MTOR: variants seen among roughly 807,000 people sequenced by gnomAD.
The protein encoded by MTOR is serine/threonine-protein kinase mTOR.
A neutral mutation model predicts 319.8 loss-of-function variants in MTOR; 70 were observed. The observed-to-expected ratio is 0.22, with a 90% confidence interval of 0.18 to 0.27. The LOEUF (loss-of-function observed/expected upper bound fraction) is 0.27, where lower values mean the gene tolerates loss of function less well. Ranked by LOEUF, MTOR falls within the 10% of genes least tolerant of loss-of-function variation. MTOR has a pLI of 1.00. For missense variants in MTOR, 1,890 were observed against 3,274.4 expected, an observed-to-expected ratio of 0.58 and a Z score of 10.32; for synonymous variants, 1,183 against 1,211.4, an observed-to-expected ratio of 0.98 and a Z score of 0.49.
chr1:11,141,297 GA>G (rs1354291393), intron 34 of MTOR, among the ~76,000 whole-genome samples: 1 of 151,964 alleles, frequency 6.6e-6, no homozygotes, highest in African/African-American at 2.4e-5. Context: ...ATTTTTTGAA[GA>G]GATGGGGTTT....
At chr1:11,208,031 G>A (rs1179258718) in intron 25 of MTOR, among the ~76,000 whole-genome samples, 3 of 152,136 alleles carry the variant, frequency 2.0e-5, no homozygotes, top group African/African-American at 2.4e-5. Context: ...CTAAAGCAGG[G>A]TGGACGGCTG....
intron 4 of MTOR, 78 bp from the exon 5 acceptor site, chr1:11,256,270 T>G: frequency 4.6e-6 from 7 of 1,532,350 alleles, no homozygotes; most frequent in Non-Finnish European, 6.2e-6. Context: ...CTTGTCATCT[T>G]AGAGCCATAC....
intron 1 of MTOR, among the ~76,000 whole-genome samples, chr1:11,260,984 GT>G (rs1651044936): frequency 6.6e-6 from 1 of 151,458 alleles, no homozygotes; most frequent in Admixed American, 6.6e-5. Flanking sequence ...TAGAGATGGG[GT>G]TTTATTATGT....
At chr1:11,204,960 C>A (rs898431779) in intron 25 of MTOR, among the ~76,000 whole-genome samples, 6 of 152,156 alleles carry the variant, frequency 3.9e-5, no homozygotes, top group Non-Finnish European at 5.9e-5. Context: ...CACTACAGAA[C>A]CAGAATACAT....
intron 29 of MTOR, among the ~76,000 whole-genome samples, chr1:11,162,848 C>A (rs1644520426): frequency 6.6e-6 from 1 of 152,192 alleles, no homozygotes; most frequent in South Asian, 2.1e-4. Flanking sequence ...TTGTAAAGAC[C>A]ATCAATGCTA....
intron 54 of MTOR, among the ~76,000 whole-genome samples, chr1:11,110,365 G>A (rs767939215): frequency 1.3e-5 from 2 of 152,078 alleles, no homozygotes; most frequent in Non-Finnish European, 2.9e-5. Flanking sequence ...TGCTGTCCTT[G>A]TACATCACAG....
intron 6 of MTOR, among the ~76,000 whole-genome samples, chr1:11,251,392 T>C (rs905298595): frequency 3.3e-5 from 5 of 152,238 alleles, no homozygotes; most frequent in African/African-American, 1.2e-4. Flanking sequence ...TTTTAAAATG[T>C]AATCCTTAAT....
chr1:11,153,877 T>C (rs964149672), intron 30 of MTOR, among the ~76,000 whole-genome samples: 4 of 151,804 alleles, frequency 2.6e-5, no homozygotes, highest in Non-Finnish European at 2.9e-5. Context: ...AAGACCAGCC[T>C]GGCCAACATG....
chr1:11,242,672 G>A (rs561271942), intron 9 of MTOR, among the ~76,000 whole-genome samples: 3 of 152,202 alleles, frequency 2.0e-5, no homozygotes, highest in Admixed American at 2.0e-4. Flanking sequence ...GGATGCTGAG[G>A]GGTTTTCTCA....
At chr1:11,186,293 G>A (rs1645320676) in intron 28 of MTOR, among the ~76,000 whole-genome samples, 1 of 152,060 alleles carries the variant, frequency 6.6e-6, no homozygotes, top group African/African-American at 2.4e-5. Flanking sequence ...CAAGCAAATG[G>A]GATCTGATGC....
intron 28 of MTOR, among the ~76,000 whole-genome samples, chr1:11,185,315 C>T (rs746212322): frequency 5.3e-5 from 8 of 150,628 alleles, no homozygotes; most frequent in Non-Finnish European, 8.8e-5. Context: ...GTGGCTCATG[C>T]CTGTAATCCT....
At chr1:11,245,972 T>G (rs1333819250) in intron 8 of MTOR, among the ~76,000 whole-genome samples, 2 of 152,226 alleles carry the variant, frequency 1.3e-5, no homozygotes, top group Non-Finnish European at 2.9e-5. Context: ...ATTAGAAATC[T>G]GACTGTAGAG....
chr1:11,194,416 A>G, intron 28 of MTOR: 1 of 1,588,154 alleles, frequency 6.3e-7, no homozygotes, highest in Non-Finnish European at 8.6e-7. Flanking sequence ...ACAGCATGAA[A>G]TGGAGCCTGC....
intron 28 of MTOR, among the ~76,000 whole-genome samples, chr1:11,168,069 CAAAAA>C (rs879426734): frequency 9.1e-6 from 1 of 110,136 alleles, no homozygotes. Flanking sequence ...GACACTGTCT[CAAAAA>C]AAAAAAAAAA....
At chr1:11,248,632 T>C (rs987187376) in intron 6 of MTOR, among the ~76,000 whole-genome samples, 2 of 151,686 alleles carry the variant, frequency 1.3e-5, no homozygotes, top group Non-Finnish European at 2.9e-5. Context: ...GCCAACATGG[T>C]GAAACCCCGT....
chr1:11,177,737 G>A (rs938567045), intron 28 of MTOR, among the ~76,000 whole-genome samples: 1 of 152,210 alleles, frequency 6.6e-6, no homozygotes, highest in Middle Eastern at 3.2e-3. Context: ...TTAGAATAAA[G>A]AGGGTAGAAT....
chr1:11,226,173 A>G (rs1031935635), intron 19 of MTOR: 1 of 152,184 alleles, frequency 6.6e-6, no homozygotes, highest in Non-Finnish European at 1.5e-5. Context: ...ATTACAGACT[A>G]AAGAATTCAA....
chr1:11,210,806 T>C lies in MTOR; in HGVS notation c.3654+8A>G, dbSNP rs371152826. 5 of 1,592,748 alleles carry C rather than the reference T, an allele frequency of 3.1e-6. No individual in the cohort carries two copies. The highest frequency in any genetic ancestry group is 1.3e-5 in the African/African-American group (1 of 74,386). ...GGGACTTCAGAACAGAAAAGAAGTA[T>C]AGTTCACCTTGACAATTCTGCAGAT... On this transcript the variant is annotated splice_region_variant and intron_variant, in intron 24 of 57. Transcript: ENST00000361445.
At position 11,144,971 on chromosome 1, in the gene MTOR, A is replaced by G. The variant is rs1297920421; in HGVS notation, c.4761T>C (p.Tyr1587=). ...GTGCAGAATAGTTGACACTTACCCC[A>G]TATGCCCGACTGTAACTCTCTCCTG... ...AMAGESYSRA[Y]GAMVSCHMLS... is the part of the protein sequence containing the mutation. The change falls in exon 33 of 58, where the codon TAT becomes TAC. Residue 1587 remains tyrosine, a synonymous_variant. Coordinates refer to ENST00000361445, the MANE Select transcript of MTOR (RefSeq NM_004958.4). 1 of 1,613,988 alleles carries G rather than the reference A, an allele frequency of 6.2e-7. No homozygotes were observed. Among genetic ancestry groups the G allele is most frequent in the East Asian group, 2.2e-5 (1 of 44,898 alleles).
Sources: gnomAD v4.1 joint callset for allele counts (sites outside exome capture counted in the v4.1 genomes callset) on GRCh38, gnomAD v4.1.1 for gene constraint, MANE v1.5 for transcripts, NCBI Gene and HGNC (gene_info 2026-07-23, HGNC 2026-07-21) for gene names.